ANXA9: variants seen among roughly 807,000 people sequenced by gnomAD.
ANXA9 encodes annexin 31.
In ANXA9, 47 loss-of-function variants were observed where a neutral mutation model predicts 51.8. The ratio of observed to expected loss-of-function variants is 0.91; its 90% CI spans 0.72 to 1.16. The LOEUF (loss-of-function observed/expected upper bound fraction) is 1.16, where lower values mean the gene tolerates loss of function less well. ANXA9 is among the 50% of genes most tolerant of loss of function. The pLI, the probability that ANXA9 is intolerant of heterozygous loss-of-function variation, is 0.00. For missense variants in ANXA9, 361 were observed against 424.7 expected, an observed-to-expected ratio of 0.85 and a Z score of 1.32; for synonymous variants, 154 against 168.7, an observed-to-expected ratio of 0.91 and a Z score of 0.68.
Position 150,994,597 on chromosome 1 carries a change from A to T in ANXA9, c.873A>T (p.Gln291His). Residue 291 changes from glutamine to histidine, a missense_variant, in exon 13 of 14, where the codon CAA (glutamine) becomes CAT (histidine). Physicochemically the swap from Gln to His is conservative, Grantham distance 24 (BLOSUM62 0). Transcript: ENST00000368947. ...QALQETEPNY[Q>H]VLIRILISRC... ...ACTAGGAAACTGAGCCCAATTACCA[A>T]GTCCTGATTCGCATCCTTATCTCTC... is the stretch of plus-strand genomic sequence containing the variant. 1 of 1,613,956 alleles carries T rather than the reference A, an allele frequency of 6.2e-7. No homozygotes were observed. The highest frequency in any genetic ancestry group is 2.2e-5 in the East Asian group (1 of 44,874).
upstream of ANXA9, among the ~76,000 whole-genome samples, chr1:150,980,536 G>A (rs922335200): frequency 1.3e-5 from 2 of 151,178 alleles, no homozygotes; most frequent in Non-Finnish European, 2.9e-5. Context: ...TACTTTACAG[G>A]GCACTTTTCT....
chr1:150,995,612 G>T lies in ANXA9; in HGVS notation c.*290G>T, dbSNP rs369697348. On this transcript the variant is annotated 3_prime_UTR_variant, in exon 14 of 14. Coordinates refer to ENST00000368947, the MANE Select transcript of ANXA9 (RefSeq NM_003568.3). ...TGTACCCTGGCCAGAACATCTCACT[G>T]ATACTCGAATTCTTTTGGCAAACTT... 4.5e-5 allele frequency: 14 copies of T among 312,800 alleles called. No individual in the cohort carries two copies. Among genetic ancestry groups the T allele is most frequent in the East Asian group, 4.1e-4 (8 of 19,288 alleles). The allele number at this position is 312,800 out of a possible 1,614,324, so 19.4% of individuals were successfully genotyped here. A position where few individuals can be genotyped will look rare whatever the true frequency, so the allele number is the denominator to read the frequency against.
intron 12 of ANXA9, among the ~76,000 whole-genome samples, chr1:150,993,423 C>T (rs375209426): frequency 6.6e-6 from 1 of 151,720 alleles, no homozygotes; most frequent in African/African-American, 2.4e-5. Flanking sequence ...ATTCTCCTAC[C>T]TCACCCTCCT....
rs777936603 is a variant in ANXA9, at chr1:150,984,342, T to C, written c.329T>C (p.Leu110Pro). 2.0e-5 allele frequency: 32 copies of C among 1,614,098 alleles called. No homozygotes were observed. The East Asian group carries it at 6.7e-4, about 34-fold the overall frequency. The change falls in exon 6 of 14, where the codon CTG becomes CCG. Residue 110 changes from leucine to proline, a missense_variant. Leu to Pro is a moderately conservative substitution (Grantham distance 98). Coordinates refer to ENST00000368947, the MANE Select transcript of ANXA9 (RefSeq NM_003568.3). ...SGNLERIVMA[L>P]LQPTAQFDAQ... is the part of the protein sequence containing the mutation. ...AACCTGGAGAGGATTGTGATGGCTCTGCTGCAGCCCACAGCCCAGTTTGAC... is the reference window on the plus strand; with the variant it reads ...AACCTGGAGAGGATTGTGATGGCTCCGCTGCAGCCCACAGCCCAGTTTGAC...
At chr1:150,983,309 C>T in intron 3 of ANXA9, 29 bp from the exon 4 acceptor site, 2 of 1,610,922 alleles carry the variant, frequency 1.2e-6, no homozygotes, top group Admixed American at 1.7e-5. Flanking sequence ...CTGGCCCTGG[C>T]CCTTGCCAAC....
intron 2 of ANXA9, among the ~76,000 whole-genome samples, 160 bp downstream of exon 2, chr1:150,982,743 A>G (rs878996960): frequency 6.6e-6 from 1 of 152,152 alleles, no homozygotes; most frequent in Non-Finnish European, 1.5e-5. Flanking sequence ...AGGCCCAGGA[A>G]GGAGGGCCAT....
At chr1:150,981,509 A>G (rs6672625), upstream of ANXA9, among the ~76,000 whole-genome samples, 10,993 of 152,230 alleles carry the variant, frequency 0.072, 1,339 homozygotes, top group African/African-American at 0.25. Flanking sequence ...CTGTGCAGAG[A>G]CAGCCTCAAG....
At chr1:150,980,395 C>CA (rs918438224), upstream of ANXA9, among the ~76,000 whole-genome samples, 136 of 135,986 alleles carry the variant, frequency 1.0e-3, 2 homozygotes, top group Admixed American at 1.6e-3. Flanking sequence ...GACTCCGCCT[C>CA]AAAAAAAAAA....
chr1:150,991,624 C>G (rs1398504879), intron 12 of ANXA9, among the ~76,000 whole-genome samples: 10 of 152,292 alleles, frequency 6.6e-5, no homozygotes, highest in Admixed American at 6.5e-4. Context: ...TCACTGCAAC[C>G]TCCACCTCCT....
At chr1:150,984,526 C>T in intron 6 of ANXA9, 60 bp from the exon 7 acceptor site, 1 of 1,531,700 alleles carries the variant, frequency 6.5e-7, no homozygotes, top group Non-Finnish European at 9.0e-7. Flanking sequence ...AGCGTCTGCC[C>T]CTCTGTCTGC....
chr1:150,994,753 C>T, intron 13 of ANXA9, 54 bp downstream of exon 13: 1 of 1,603,736 alleles, frequency 6.2e-7, no homozygotes, highest in Admixed American at 1.7e-5. Context: ...TCCTCACCTC[C>T]ACCCTCACTC....
chr1:150,980,051 G>C (rs1379795494), upstream of ANXA9, among the ~76,000 whole-genome samples: 1 of 152,120 alleles, frequency 6.6e-6, no homozygotes, highest in East Asian at 1.9e-4. Context: ...GTTCCATTTT[G>C]GGGTTGTCAG....
chr1:150,991,455 C>T (rs927753205), intron 12 of ANXA9, among the ~76,000 whole-genome samples: 1 of 151,190 alleles, frequency 6.6e-6, no homozygotes. Flanking sequence ...CAGGCTGGTC[C>T]TTAACTCCTG....
intron 2 of ANXA9, among the ~76,000 whole-genome samples, 158 bp downstream of exon 2, chr1:150,982,741 G>A (rs1671441096): frequency 6.6e-6 from 1 of 152,178 alleles, no homozygotes; most frequent in Admixed American, 6.5e-5. Context: ...CCAGGCCCAG[G>A]AAGGAGGGCC....
At chr1:150,979,190 AG>A (rs1188438518), upstream of ANXA9, among the ~76,000 whole-genome samples, 5 of 151,242 alleles carry the variant, frequency 3.3e-5, no homozygotes, top group African/African-American at 4.9e-5. Flanking sequence ...CTCACAGGCA[AG>A]GACTTCGCTT....
chr1:150,981,623 C>A (rs1671416936), upstream of ANXA9, among the ~76,000 whole-genome samples: 2 of 152,248 alleles, frequency 1.3e-5, no homozygotes, highest in Non-Finnish European at 2.9e-5. Context: ...GGAGCCTCCC[C>A]CATCTCCCTG....
rs1384407146 is a variant in ANXA9 at position 150,986,642 on chromosome 1, T to G, written c.593T>G (p.Leu198Arg). ...TACTCTGGAATCATTGACTATAATC[T>G]GGCAGAACAAGATGTCCAGGTGAGC... The part of the protein sequence containing the change: ...DSYSGIIDYN[L>R]AEQDVQALQR... Residue 198 changes from leucine to arginine, a missense_variant, in exon 9 of 14, where the codon CTG becomes CGG. Transcript: ENST00000368947. 6.3e-7 allele frequency: 1 copy of G among 1,598,886 alleles called. No individual in the cohort carries two copies. The highest frequency in any genetic ancestry group is 1.1e-5 in the South Asian group (1 of 88,740).
At chr1:150,984,094 GC>G in intron 5 of ANXA9, 25 bp downstream of exon 5, 1 of 1,602,456 alleles carries the variant, frequency 6.2e-7, no homozygotes, top group Non-Finnish European at 8.5e-7. Flanking sequence ...ACCTCCCACA[GC>G]AGTGGACTGG....
chr1:150,978,250 G>A (rs1485817611), upstream of ANXA9, among the ~76,000 whole-genome samples: 2 of 152,100 alleles, frequency 1.3e-5, no homozygotes, highest in African/African-American at 2.4e-5. Context: ...GGCCAACATG[G>A]TGAAACCCTG....
Sources: allele counts gnomAD v4.1 joint callset (sites outside exome capture counted in the v4.1 genomes callset), GRCh38; gene constraint gnomAD v4.1.1; transcripts MANE v1.5; gene names NCBI Gene and HGNC (gene_info 2026-07-23, HGNC 2026-07-21).